Variants in RAB27B observed in about 807,000 individuals in gnomAD.
The protein encoded by RAB27B is RAB27B, member RAS oncogene family, also known as ras-related protein Rab-27B.
In RAB27B, 15 loss-of-function variants were observed where a neutral mutation model predicts 24.6. The ratio of observed to expected loss-of-function variants is 0.61; its 90% CI spans 0.41 to 0.94. The LOEUF (loss-of-function observed/expected upper bound fraction) is 0.94, where lower values mean the gene tolerates loss of function less well. Ranked by LOEUF, RAB27B falls within the 40% of genes least tolerant of loss-of-function variation. RAB27B has a pLI of 0.00. For missense variants in RAB27B, 261 were observed against 266.8 expected (o/e 0.98, Z 0.15); for synonymous variants, 105 against 92.5 (o/e 1.14, Z -0.78).
At chr18:54,765,567 G>A (rs1300988231) in intron 2 of RAB27B, among the ~76,000 whole-genome samples, 1 of 152,084 alleles carries the variant, frequency 6.6e-6, no homozygotes, top group Non-Finnish European at 1.5e-5. Context: ...AAATCCCAAT[G>A]CCTTCATTTG....
At chr18:54,794,672 G>A (rs1198250904) in intron 2 of RAB27B, among the ~76,000 whole-genome samples, 1 of 152,166 alleles carries the variant, frequency 6.6e-6, no homozygotes, top group Admixed American at 6.5e-5. Context: ...TTAATTCCCA[G>A]CTTTTTTTGA....
chr18:54,810,426 A>C (rs1909925279), intron 2 of RAB27B, among the ~76,000 whole-genome samples: 1 of 152,206 alleles, frequency 6.6e-6, no homozygotes, highest in African/African-American at 2.4e-5. Flanking sequence ...AGAGTAAACA[A>C]AAGTTTAGAG....
intron 2 of RAB27B, among the ~76,000 whole-genome samples, chr18:54,733,871 A>G (rs1306915773): frequency 6.6e-6 from 1 of 152,108 alleles, no homozygotes; most frequent in Non-Finnish European, 1.5e-5. Context: ...GTTCTGGTAA[A>G]AATAGGCAGA....
At chr18:54,782,449 G>A (rs2145094231) in intron 2 of RAB27B, among the ~76,000 whole-genome samples, 1 of 152,182 alleles carries the variant, frequency 6.6e-6, no homozygotes, top group African/African-American at 2.4e-5. Flanking sequence ...TACTTTTTTT[G>A]CAGCAATAAC....
chr18:54,788,000 C>G (rs1246262454), intron 2 of RAB27B, among the ~76,000 whole-genome samples: 2 of 152,178 alleles, frequency 1.3e-5, no homozygotes, highest in African/African-American at 4.8e-5. Context: ...TTGTGGCATC[C>G]AAGAAAAGAT....
intron 2 of RAB27B, among the ~76,000 whole-genome samples, chr18:54,777,367 G>A (rs1908749292): frequency 6.6e-6 from 1 of 152,198 alleles, no homozygotes; most frequent in Non-Finnish European, 1.5e-5. Flanking sequence ...GGTAGTGAAT[G>A]AGAAAATGTT....
chr18:54,740,614 G>A (rs535070326), intron 2 of RAB27B, among the ~76,000 whole-genome samples: 176 of 152,262 alleles, frequency 1.2e-3, no homozygotes, highest in African/African-American at 4.0e-3. Context: ...CATGACCTAG[G>A]AGTGGCTAAA....
Position 54,889,020 on chromosome 18 carries a change from G to A in RAB27B, c.468-204G>A, listed in dbSNP as rs576573435. On this transcript the variant is annotated intron_variant, in intron 5 of 5. Coordinates refer to ENST00000262094, the MANE Select transcript of RAB27B (RefSeq NM_004163.4). Reference sequence around the variant, plus strand: ...TGTCAATTTCCTTGCCCATAAAACTGGTTGTAATCATACTAAAGAGCAGCT... The same window carrying A: ...TGTCAATTTCCTTGCCCATAAAACTAGTTGTAATCATACTAAAGAGCAGCT... 4.1e-4 allele frequency among the ~76,000 whole-genome samples: 62 copies of A among 152,152 alleles called. No individual in the cohort carries two copies. The South Asian group carries it at 0.012, about 31-fold the overall frequency.
chr18:54,724,563 A>C (rs1401117361), intron 2 of RAB27B, among the ~76,000 whole-genome samples: 1 of 151,370 alleles, frequency 6.6e-6, no homozygotes, highest in Non-Finnish European at 1.5e-5. Context: ...GTCCCTAATA[A>C]AAATACAAAA....
intron 1 of RAB27B, among the ~76,000 whole-genome samples, chr18:54,860,420 A>G (rs1911967236): frequency 6.6e-6 from 1 of 152,174 alleles, no homozygotes; most frequent in Middle Eastern, 3.4e-3. Flanking sequence ...ACTCGTGCAC[A>G]TTCTACCTCC....
intron 1 of RAB27B, among the ~76,000 whole-genome samples, chr18:54,830,281 G>GA (rs1396181814): frequency 1.6e-4 from 25 of 152,152 alleles, no homozygotes; most frequent in African/African-American, 2.9e-4. Flanking sequence ...TGTTTTTCTG[G>GA]AAAAATGGAA....
chr18:54,727,705 A>C (rs1909583125), intron 2 of RAB27B, among the ~76,000 whole-genome samples: 1 of 152,224 alleles, frequency 6.6e-6, no homozygotes, highest in South Asian at 2.1e-4. Flanking sequence ...ATTACTATAA[A>C]TTATTTTTTC....
At chr18:54,867,105 G>A (rs545768466) in intron 1 of RAB27B, among the ~76,000 whole-genome samples, 1 of 152,252 alleles carries the variant, frequency 6.6e-6, no homozygotes, top group African/African-American at 2.4e-5. Context: ...AGCAGGAAGT[G>A]GGGAGCCCAC....
intron 1 of RAB27B, among the ~76,000 whole-genome samples, chr18:54,858,092 G>A (rs1911855959): frequency 6.6e-6 from 1 of 152,088 alleles, no homozygotes; most frequent in African/African-American, 2.4e-5. Context: ...GCCTGTATTC[G>A]TCATCGTGTA....
At chr18:54,754,247 C>T (rs1472138788) in intron 2 of RAB27B, among the ~76,000 whole-genome samples, 3 of 152,092 alleles carry the variant, frequency 2.0e-5, no homozygotes, top group Non-Finnish European at 2.9e-5. Flanking sequence ...TTCTCTCTCT[C>T]GTCACCACGT....
chr18:54,755,988 G>GT, intron 2 of RAB27B, among the ~76,000 whole-genome samples: 1 of 152,270 alleles, frequency 6.6e-6, no homozygotes, highest in East Asian at 1.9e-4. Flanking sequence ...AATAGTAACT[G>GT]TTTTGATTGG....
chr18:54,840,688 T>C (rs1911073289), intron 1 of RAB27B, among the ~76,000 whole-genome samples: 1 of 152,204 alleles, frequency 6.6e-6, no homozygotes, highest in African/African-American at 2.4e-5. Flanking sequence ...CTATCCTCTC[T>C]TGTAGAAAGG....
At chr18:54,842,450 A>C (rs1409487593) in intron 1 of RAB27B, among the ~76,000 whole-genome samples, 3 of 152,248 alleles carry the variant, frequency 2.0e-5, no homozygotes, top group Non-Finnish European at 4.4e-5. Context: ...TATGTATAAA[A>C]GAAAATTTGT....
chr18:54,723,965 T>C (rs774351766), intron 2 of RAB27B, among the ~76,000 whole-genome samples: 1 of 152,206 alleles, frequency 6.6e-6, no homozygotes, highest in Non-Finnish European at 1.5e-5. Flanking sequence ...GACGAGACTA[T>C]AATCCAACTG....
Sources: gnomAD v4.1 joint callset for allele counts (sites outside exome capture counted in the v4.1 genomes callset) on GRCh38, gnomAD v4.1.1 for gene constraint, MANE v1.5 for transcripts, NCBI Gene and HGNC (gene_info 2026-07-23, HGNC 2026-07-21) for gene names.